The following ZNF536 variants were observed in gnomAD, a reference collection of about 807,000 sequenced individuals.
ZNF536 encodes the protein zinc finger protein 536.
In ZNF536, 13 loss-of-function variants were observed where a neutral mutation model predicts 84.5. The ratio of observed to expected loss-of-function variants is 0.15; its 90% CI spans 0.10 to 0.24. The LOEUF (loss-of-function observed/expected upper bound fraction) is 0.24. Among genes scored for constraint, ZNF536 ranks in the 10% least tolerant of loss-of-function variants. ZNF536 has a pLI of 1.00. For missense variants in ZNF536, 1,536 were observed against 1,747.5 expected (o/e 0.88, Z 2.16); for synonymous variants, 811 against 742.5 (o/e 1.09, Z -1.50).
chr19:30,565,024 G>T (rs1020625917), intron 1 of ZNF536, among the ~76,000 whole-genome samples: 2 of 152,140 alleles, frequency 1.3e-5, no homozygotes, highest in African/African-American at 4.8e-5. Context: ...CCTTGTCCGG[G>T]AAGAACTCTG....
intron 1 of ZNF536, among the ~76,000 whole-genome samples, chr19:30,240,981 C>T (rs1249412975): frequency 6.6e-6 from 1 of 152,144 alleles, no homozygotes; most frequent in African/African-American, 2.4e-5. Flanking sequence ...CATATCTGGG[C>T]TCTCATGGAG....
intron 1 of ZNF536, among the ~76,000 whole-genome samples, chr19:30,378,867 G>C (rs1261242635): frequency 6.6e-6 from 1 of 152,194 alleles, no homozygotes; most frequent in Non-Finnish European, 1.5e-5. Context: ...CCCCCTGAGG[G>C]CCTCCTGTGT....
intron 1 of ZNF536, among the ~76,000 whole-genome samples, chr19:30,699,258 C>G (rs2051792893): frequency 6.6e-6 from 1 of 152,184 alleles, no homozygotes; most frequent in Non-Finnish European, 1.5e-5. Flanking sequence ...AATGTCACCA[C>G]TTCTAGACCC....
chr19:30,465,247 C>A (rs2053332727), intron 2 of ZNF536, among the ~76,000 whole-genome samples: 1 of 152,136 alleles, frequency 6.6e-6, no homozygotes, highest in African/African-American at 2.4e-5. Flanking sequence ...CAGGCCTGCT[C>A]TCCCCGCAGA....
intron 1 of ZNF536, among the ~76,000 whole-genome samples, chr19:30,262,967 G>T (rs978315180): frequency 1.3e-5 from 2 of 152,218 alleles, no homozygotes; most frequent in Admixed American, 6.5e-5. Flanking sequence ...GGGTGCTAGA[G>T]CACCAAGCCC....
intron 1 of ZNF536, among the ~76,000 whole-genome samples, chr19:30,677,695 G>T (rs1171847982): frequency 6.6e-6 from 1 of 152,208 alleles, no homozygotes; most frequent in Non-Finnish European, 1.5e-5. Flanking sequence ...GTAGAGACTG[G>T]GATAACCAAT....
chr19:30,387,116 A>C (rs2049375547), intron 1 of ZNF536, among the ~76,000 whole-genome samples: 2 of 152,200 alleles, frequency 1.3e-5, no homozygotes, highest in Non-Finnish European at 2.9e-5. Context: ...TCAAAGATGA[A>C]GCACCGTTTT....
intron 3 of ZNF536, among the ~76,000 whole-genome samples, chr19:30,361,513 G>A (rs1366445341): frequency 1.3e-5 from 2 of 152,094 alleles, no homozygotes; most frequent in Non-Finnish European, 2.9e-5. Flanking sequence ...GATTTGGGGG[G>A]CTTTGCTATG....
intron 2 of ZNF536, among the ~76,000 whole-genome samples, chr19:30,331,669 A>G (rs2047215982): frequency 6.6e-6 from 1 of 152,128 alleles, no homozygotes; most frequent in South Asian, 2.1e-4. Context: ...TTTCAGATCC[A>G]CACCCAGGCT....
At chr19:30,396,235 C>A (rs140631222) in intron 1 of ZNF536, among the ~76,000 whole-genome samples, 124 of 152,286 alleles carry the variant, frequency 8.1e-4, no homozygotes, top group Non-Finnish European at 1.5e-3. Context: ...CTCTCCATCT[C>A]CTGATGGGAT....
Position 30,414,166 on chromosome 19 carries a change from A to G in ZNF536, c.-2-29395A>G, listed in dbSNP as rs150781597. ...GGCCTCAAATTATATTTTATATGAT[A>G]CTACTATTTCACTACTTACTTTTGT... is the stretch of plus-strand genomic sequence containing the variant. On this transcript the variant is annotated intron_variant, in intron 1 of 4. Coordinates refer to ENST00000355537, the MANE Select transcript of ZNF536 (RefSeq NM_014717.3). Among the ~76,000 whole-genome samples, 807 of 150,106 alleles carry G rather than the reference A, an allele frequency of 5.4e-3. 2 individuals are homozygous for G. The highest frequency in any genetic ancestry group is 7.7e-3 in the Non-Finnish European group (520 of 67,648).
chr19:30,545,544 C>G (rs2045516839), intron 3 of ZNF536, among the ~76,000 whole-genome samples: 1 of 151,714 alleles, frequency 6.6e-6, no homozygotes, highest in African/African-American at 2.4e-5. Context: ...ACTACAGGCA[C>G]CCACCACCAC....
At chr19:30,648,356 C>G (rs1370418304) in intron 1 of ZNF536, among the ~76,000 whole-genome samples, 1 of 152,176 alleles carries the variant, frequency 6.6e-6, no homozygotes, top group African/African-American at 2.4e-5. Context: ...AGACATCACT[C>G]TCAGGTTGTA....
Position 30,399,701 on chromosome 19 carries a change from A to G in ZNF536, c.-3+27145A>G, listed in dbSNP as rs1433586831. On this transcript the variant is annotated intron_variant, in intron 1 of 4. Coordinates refer to ENST00000355537, the MANE Select transcript of ZNF536 (RefSeq NM_014717.3). Reference sequence around the variant, plus strand: ...AATGTTTTTTTTTTTTTTTTTTGAGATGGAGTTTTGCTCTGTCACCTAGTC... The same window carrying G: ...AATGTTTTTTTTTTTTTTTTTTGAGGTGGAGTTTTGCTCTGTCACCTAGTC... Among the ~76,000 whole-genome samples the G allele has an allele frequency of 1.5e-4, 16 of 109,110 alleles. No homozygotes were observed. In the East Asian group the frequency reaches 2.9e-3, roughly 20 times the overall value. The allele number at this position is 109,110 out of a possible 152,430, so 71.6% of individuals were successfully genotyped here.
At chr19:30,465,876 G>A (rs927238728) in intron 2 of ZNF536, among the ~76,000 whole-genome samples, 7 of 151,646 alleles carry the variant, frequency 4.6e-5, no homozygotes, top group Non-Finnish European at 1.0e-4. Flanking sequence ...TCAGCCTCCC[G>A]AGTAGCTGGG....
intron 2 of ZNF536, among the ~76,000 whole-genome samples, chr19:30,346,599 G>T (rs905384539): frequency 3.9e-5 from 6 of 152,102 alleles, no homozygotes; most frequent in African/African-American, 1.4e-4. Flanking sequence ...TGCAGTATTT[G>T]GTTTTCTATT....
intron 2 of ZNF536, among the ~76,000 whole-genome samples, chr19:30,307,782 T>C (rs1011587389): frequency 1.7e-4 from 26 of 152,222 alleles, no homozygotes; most frequent in African/African-American, 6.0e-4. Context: ...TTATTGCCAA[T>C]GCAATAAGGT....
intron 1 of ZNF536, among the ~76,000 whole-genome samples, chr19:30,278,900 A>T (rs2045338688): frequency 6.6e-6 from 1 of 152,040 alleles, no homozygotes; most frequent in African/African-American, 2.4e-5. Flanking sequence ...CTGTGCCCAA[A>T]ATCTACCAGT....
At chr19:30,234,429 G>C (rs1036916454) in intron 1 of ZNF536, among the ~76,000 whole-genome samples, 6 of 117,742 alleles carry the variant, frequency 5.1e-5, no homozygotes, top group Non-Finnish European at 9.8e-5. Context: ...TTGAGACAGA[G>C]TCTTACTCTG....
Sources: allele counts gnomAD v4.1 joint callset (sites outside exome capture counted in the v4.1 genomes callset), GRCh38; gene constraint gnomAD v4.1.1; transcripts MANE v1.5; gene names NCBI Gene and HGNC (gene_info 2026-07-23, HGNC 2026-07-21).